CDKL3: variants seen among roughly 807,000 people sequenced by gnomAD.
CDKL3 encodes the protein cyclin-dependent kinase-like 3.
In CDKL3, 65 loss-of-function variants were observed where a neutral mutation model predicts 69.3. The ratio of observed to expected loss-of-function variants is 0.94; its 90% CI spans 0.77 to 1.15. The LOEUF (loss-of-function observed/expected upper bound fraction) is 1.15, where lower values mean the gene tolerates loss of function less well. CDKL3 is among the 50% of genes most tolerant of loss of function. The pLI, the probability that CDKL3 is intolerant of heterozygous loss-of-function variation, is 0.00. For missense variants in CDKL3, 652 were observed against 689.2 expected, an observed-to-expected ratio of 0.95 and a Z score of 0.61; for synonymous variants, 202 against 221.6, an observed-to-expected ratio of 0.91 and a Z score of 0.79.
chr5:134,298,764 C>T (rs992276233), intron 12 of CDKL3, 54 bp from the exon 13 acceptor site: 2 of 1,579,496 alleles, frequency 1.3e-6, no homozygotes, highest in Non-Finnish European at 1.7e-6. Flanking sequence ...TAAATATATG[C>T]TACCAAAACT....
upstream of CDKL3, chr5:134,371,323 G>A (rs1758379378): frequency 1.7e-6 from 1 of 575,696 alleles, no homozygotes; most frequent in Non-Finnish European, 3.1e-6. Flanking sequence ...GGAAGCCCAG[G>A]GGGAACCGCG....
intron 3 of CDKL3, among the ~76,000 whole-genome samples, chr5:134,359,379 A>G (rs575310263): frequency 1.3e-5 from 2 of 152,358 alleles, no homozygotes; most frequent in South Asian, 4.1e-4. Context: ...ACTAAACATC[A>G]GAATAGCTGT....
Position 134,350,395 on chromosome 5 carries a change from A to T in CDKL3, c.393T>A (p.Ile131=). The change falls in exon 4 of 13, where the codon ATT becomes ATA. Residue 131 remains isoleucine, a synonymous_variant. Transcript: ENST00000265334. ...IIHRDIKPEN[I]LVSQSGITKL... is the part of the protein sequence containing the mutation. ...TAGTAATTCCTGACTGGGATACTAA[A>T]ATATTCTCAGGTTTTATATCTCGAT... The T allele has an allele frequency of 6.4e-7, 1 of 1,570,106 alleles. No individual in the cohort carries two copies.
At chr5:134,364,956 G>A (rs1215760815) in intron 2 of CDKL3, among the ~76,000 whole-genome samples, 3 of 150,834 alleles carry the variant, frequency 2.0e-5, no homozygotes, top group Admixed American at 6.6e-5. Flanking sequence ...ACAGGGGCGC[G>A]ACACTATGCC....
chr5:134,291,371 G>C (rs1188015247), intron 8 of CDKL3, among the ~76,000 whole-genome samples: 1 of 152,096 alleles, frequency 6.6e-6, no homozygotes, highest in Non-Finnish European at 1.5e-5. Context: ...GGGGAGTATA[G>C]ACAAAAAAGA....
intron 4 of CDKL3, among the ~76,000 whole-genome samples, chr5:134,330,880 G>A (rs1775614699): frequency 2.6e-5 from 4 of 152,102 alleles, no homozygotes; most frequent in Admixed American, 2.0e-4. Context: ...CTCTTGCTTT[G>A]ACCAGCCCAC....
chr5:134,291,835 G>A lies in CDKL3; in HGVS notation c.*678-5276C>T, dbSNP rs917187694. Reference sequence around the variant, plus strand: ...AGTGATAGCCATGTTGGAGTAACACGTATCAGCTTTACCTTAAATAATAAT... The same window carrying A: ...AGTGATAGCCATGTTGGAGTAACACATATCAGCTTTACCTTAAATAATAAT... On this transcript the variant is annotated intron_variant and NMD_transcript_variant, in intron 8 of 8. Transcript: ENST00000519312. Among the ~76,000 whole-genome samples, 5 of 151,332 alleles carry A rather than the reference G, an allele frequency of 3.3e-5. No individual in the cohort carries two copies. The South Asian group carries it at 6.2e-4, about 19-fold the overall frequency.
chr5:134,358,268 G>T (rs1056470020), intron 3 of CDKL3, among the ~76,000 whole-genome samples: 2 of 152,002 alleles, frequency 1.3e-5, no homozygotes, highest in African/African-American at 4.8e-5. Context: ...GAAGTCCCCT[G>T]CTCCGGTCTA....
chr5:134,308,106 A>G, intron 9 of CDKL3, 32 bp downstream of exon 9: 1 of 1,569,396 alleles, frequency 6.4e-7, no homozygotes, highest in Non-Finnish European at 8.7e-7. Flanking sequence ...GGAATGTTGT[A>G]TTATTTAGGT....
chr5:134,307,656 T>C (rs1207369139), intron 9 of CDKL3, among the ~76,000 whole-genome samples: 2 of 152,190 alleles, frequency 1.3e-5, no homozygotes, highest in Non-Finnish European at 2.9e-5. Flanking sequence ...AGTCTCTCAA[T>C]CTGTATCAGA....
At chr5:134,361,403 T>C (rs988352169) in intron 2 of CDKL3, among the ~76,000 whole-genome samples, 3 of 152,166 alleles carry the variant, frequency 2.0e-5, no homozygotes, top group African/African-American at 4.8e-5. Flanking sequence ...ACTATACCTT[T>C]ATGAAAATAT....
chr5:134,283,983 T>G (rs1764740325), downstream of CDKL3, among the ~76,000 whole-genome samples: 3 of 152,236 alleles, frequency 2.0e-5, no homozygotes, highest in South Asian at 6.2e-4. Context: ...ATGATCTCCT[T>G]TGACTTCATG....
At chr5:134,340,692 A>C (rs1750266781) in intron 4 of CDKL3, among the ~76,000 whole-genome samples, 1 of 152,202 alleles carries the variant, frequency 6.6e-6, no homozygotes, top group Non-Finnish European at 1.5e-5. Flanking sequence ...AACTTTTAAC[A>C]AGTGAAAAGA....
chr5:134,317,317 G>A (rs769006097), intron 6 of CDKL3, among the ~76,000 whole-genome samples: 33 of 152,110 alleles, frequency 2.2e-4, no homozygotes, highest in Non-Finnish European at 3.5e-4. Context: ...TGTATTTTTA[G>A]TAGAGACAGG....
chr5:134,341,524 G>A (rs1367880063), intron 4 of CDKL3, among the ~76,000 whole-genome samples: 2 of 152,212 alleles, frequency 1.3e-5, no homozygotes, highest in Non-Finnish European at 1.5e-5. Flanking sequence ...TATTTAGGCA[G>A]GCAGTGAGGG....
chr5:134,298,513 C>A lies in CDKL3; in HGVS notation c.*138G>T. The A allele has an allele frequency of 7.0e-7, 1 of 1,433,028 alleles. No individual in the cohort carries two copies. 88.8% of individuals were successfully genotyped at this position (1,433,028 alleles called of 1,614,324 possible). On this transcript the variant is annotated 3_prime_UTR_variant, in exon 13 of 13. Transcript: ENST00000265334. Reference sequence around the variant, plus strand: ...GGAAAAGAAAACAGTAAATGTTTTGCTAACAAAAAAAGCTGGATGATGCTC... The same window carrying A: ...GGAAAAGAAAACAGTAAATGTTTTGATAACAAAAAAAGCTGGATGATGCTC...
At chr5:134,322,676 C>T (rs1773099496) in intron 4 of CDKL3, among the ~76,000 whole-genome samples, 1 of 152,058 alleles carries the variant, frequency 6.6e-6, no homozygotes, top group Non-Finnish European at 1.5e-5. Flanking sequence ...AAATATTATT[C>T]ATCTGTTAAA....
At chr5:134,359,863 C>T (rs1401754866) in intron 3 of CDKL3, 34 bp downstream of exon 3, 1 of 1,364,896 alleles carries the variant, frequency 7.3e-7, no homozygotes, top group Non-Finnish European at 1.0e-6. Context: ...GATTCATATT[C>T]ATCCTACAAA....
chr5:134,365,577 T>G (rs1232648741), intron 2 of CDKL3, among the ~76,000 whole-genome samples: 2 of 152,214 alleles, frequency 1.3e-5, no homozygotes, highest in Non-Finnish European at 2.9e-5. Context: ...CAATCTATTC[T>G]GCACAATAGT....
Sources: gnomAD v4.1 joint callset for allele counts (sites outside exome capture counted in the v4.1 genomes callset) on GRCh38, gnomAD v4.1.1 for gene constraint, MANE v1.5 for transcripts, NCBI Gene and HGNC (gene_info 2026-07-23, HGNC 2026-07-21) for gene names.